The following FAM110B variants were observed in gnomAD, a reference collection of about 807,000 sequenced individuals.
The protein encoded by FAM110B is family with sequence similarity 110 member B, also known as protein FAM110B.
Under a neutral mutation model 20.4 loss-of-function variants are expected in FAM110B, and 6 were observed. The observed-to-expected ratio is 0.29, with a 90% CI of 0.16 to 0.58. The LOEUF is 0.58. Ranked by LOEUF, FAM110B falls within the 20% of genes least tolerant of loss-of-function variation. The pLI is 0.90. For missense variants in FAM110B, 434 were observed against 498.2 expected, an observed-to-expected ratio of 0.87 and a Z score of 1.23; for synonymous variants, 226 against 214.1, an observed-to-expected ratio of 1.06 and a Z score of -0.49.
At chr8:58,028,744 T>C in intron 1 of FAM110B, among the ~76,000 whole-genome samples, 1 of 152,256 alleles carries the variant, frequency 6.6e-6, no homozygotes, top group East Asian at 1.9e-4. Context: ...TGTGTGCTTT[T>C]TTGGGCATGC....
chr8:58,075,275 T>TTTG lies in FAM110B; in HGVS notation c.-413-259_-413-258insTGT, dbSNP rs1554521068. On this transcript the variant is annotated intron_variant, in intron 2 of 3. Transcript: ENST00000519262. The stretch of plus-strand genomic sequence containing the variant: ...AACTAATTTTTGCTTTTTTTTTTTT[T>TTTG]TGTGTGTGTGTGTGTGTGTGTTTTG... Among the ~76,000 whole-genome samples, 9 of 141,742 alleles carry TTTG rather than the reference T, an allele frequency of 6.3e-5. No homozygotes were observed. In the East Asian group the frequency reaches 8.1e-4, roughly 13 times the overall value. The allele number at this position is 141,742 out of a possible 152,430, so 93.0% of individuals were successfully genotyped here.
chr8:58,119,335 C>T (rs1473314450), intron 3 of FAM110B, among the ~76,000 whole-genome samples: 1 of 152,112 alleles, frequency 6.6e-6, no homozygotes, highest in Non-Finnish European at 1.5e-5. Flanking sequence ...GTGAGGGCTC[C>T]GTCCCCACAG....
At chr8:58,004,594 A>C (rs1363928074) in intron 1 of FAM110B, among the ~76,000 whole-genome samples, 1 of 152,198 alleles carries the variant, frequency 6.6e-6, no homozygotes, top group Admixed American at 6.5e-5. Flanking sequence ...AAGATGCAAA[A>C]ATTAGCCAGG....
chr8:58,082,853 T>G (rs957688913), intron 3 of FAM110B, among the ~76,000 whole-genome samples: 3 of 150,970 alleles, frequency 2.0e-5, no homozygotes, highest in Non-Finnish European at 3.0e-5. Context: ...TTTTGTTTTT[T>G]TTTTTTTTAA....
chr8:58,145,084 TGAA>T (rs1235577639), intron 3 of FAM110B, among the ~76,000 whole-genome samples: 1 of 152,196 alleles, frequency 6.6e-6, no homozygotes, highest in Non-Finnish European at 1.5e-5. Context: ...ATACATACCA[TGAA>T]GAAACTTTTG....
intron 3 of FAM110B, among the ~76,000 whole-genome samples, chr8:58,133,771 G>A (rs947303159): frequency 2.6e-5 from 4 of 152,208 alleles, no homozygotes; most frequent in African/African-American, 7.2e-5. Context: ...CTAAGGCAGT[G>A]TCTACCTTTA....
At chr8:58,110,268 C>G (rs1033035537) in intron 3 of FAM110B, among the ~76,000 whole-genome samples, 2 of 151,854 alleles carry the variant, frequency 1.3e-5, no homozygotes, top group African/African-American at 4.8e-5. Context: ...GTAATTTGCC[C>G]CAGACCAGAA....
At chr8:58,103,132 G>C (rs1806823676) in intron 3 of FAM110B, among the ~76,000 whole-genome samples, 1 of 151,936 alleles carries the variant, frequency 6.6e-6, no homozygotes, top group Non-Finnish European at 1.5e-5. Flanking sequence ...TTGGGTCAAT[G>C]AATGCAATAT....
intron 1 of FAM110B, among the ~76,000 whole-genome samples, chr8:58,029,437 G>A (rs551923324): frequency 6.6e-6 from 1 of 152,168 alleles, no homozygotes; most frequent in African/African-American, 2.4e-5. Flanking sequence ...TTTATCAGTG[G>A]GACAAAAGGC....
intron 1 of FAM110B, among the ~76,000 whole-genome samples, chr8:58,028,150 C>CTGGA (rs1314332206): frequency 3.3e-5 from 5 of 152,208 alleles, no homozygotes; most frequent in Non-Finnish European, 5.9e-5. Flanking sequence ...GTTGCCCAGG[C>CTGGA]TGGAGTGCAG....
chr8:58,090,262 C>A (rs1034789951), intron 3 of FAM110B, among the ~76,000 whole-genome samples: 1 of 152,198 alleles, frequency 6.6e-6, no homozygotes, highest in Non-Finnish European at 1.5e-5. Context: ...CAGATTCAAG[C>A]AGTTCTCCTT....
At chr8:58,113,817 C>T (rs1807126706) in intron 3 of FAM110B, among the ~76,000 whole-genome samples, 1 of 152,208 alleles carries the variant, frequency 6.6e-6, no homozygotes, top group African/African-American at 2.4e-5. Context: ...TTTAATGTCA[C>T]TTCATAGGTT....
chr8:58,147,084 C>T lies in FAM110B; in HGVS notation c.854C>T (p.Pro285Leu). The T allele has an allele frequency of 6.2e-7, 1 of 1,614,148 alleles. No homozygotes were observed. The highest frequency in any genetic ancestry group is 8.5e-7 in the Non-Finnish European group (1 of 1,180,020). Reference protein sequence around the residue: ...ERFFNYCGLDPEELENLGMEN... With the variant: ...ERFFNYCGLDLEELENLGMEN... ...TTCTTCAACTACTGTGGACTGGACC[C>T]GGAAGAGCTGGAAAACCTGGGAATG... The change falls in exon 4 of 4, where the codon CCG becomes CTG. Residue 285 changes from proline to leucine, a missense_variant. This residue lies in a region of FAM110B where 94 missense variants were observed against 137.8 expected (regional missense o/e 0.68). Transcript: ENST00000519262.
At chr8:58,078,177 G>A (rs1198258812) in intron 3 of FAM110B, among the ~76,000 whole-genome samples, 1 of 152,168 alleles carries the variant, frequency 6.6e-6, no homozygotes, top group Non-Finnish European at 1.5e-5. Flanking sequence ...CAATATGTGA[G>A]TTTAAGATTA....
intron 3 of FAM110B, among the ~76,000 whole-genome samples, chr8:58,127,735 A>C (rs939251378): frequency 2.0e-5 from 3 of 152,218 alleles, no homozygotes; most frequent in African/African-American, 7.2e-5. Context: ...ATACTTAAAA[A>C]TAAATCTAAT....
intron 2 of FAM110B, among the ~76,000 whole-genome samples, chr8:58,072,784 G>A (rs1261987145): frequency 6.6e-6 from 1 of 152,112 alleles, no homozygotes; most frequent in Non-Finnish European, 1.5e-5. Flanking sequence ...TTCTCCTGAG[G>A]TCTCAACAGG....
intron 3 of FAM110B, among the ~76,000 whole-genome samples, chr8:58,079,777 A>G (rs1485281789): frequency 6.7e-6 from 1 of 150,296 alleles, no homozygotes; most frequent in Admixed American, 6.6e-5. Flanking sequence ...CCAAGACCCT[A>G]TCTTTAAAAA....
intron 1 of FAM110B, among the ~76,000 whole-genome samples, chr8:58,008,413 G>A (rs890108875): frequency 3.3e-5 from 5 of 152,202 alleles, no homozygotes; most frequent in African/African-American, 9.6e-5. Flanking sequence ...GATTACAGGC[G>A]TGAGCCACTG....
intron 1 of FAM110B, among the ~76,000 whole-genome samples, chr8:58,025,192 G>A (rs1036672476): frequency 2.0e-5 from 3 of 152,244 alleles, no homozygotes. Flanking sequence ...AAATGTTTTT[G>A]TGGAGATGAG....
Sources: gnomAD v4.1 joint callset for allele counts (sites outside exome capture counted in the v4.1 genomes callset) on GRCh38, gnomAD v4.1.1 for gene constraint, gnomAD v4.1.1 regional missense constraint, MANE v1.5 for transcripts, NCBI Gene and HGNC (gene_info 2026-07-23, HGNC 2026-07-21) for gene names.